The following ZFHX3 variants were observed in gnomAD, a reference collection of about 807,000 sequenced individuals.
ZFHX3 encodes zinc finger homeobox protein 3.
ZFHX3 carries 42 observed loss-of-function variants against 279.1 expected under a neutral mutation model. That is an observed-to-expected ratio of 0.15 (90% CI 0.12 to 0.19). The LOEUF is 0.19. Ranked by LOEUF, ZFHX3 falls within the 10% of genes least tolerant of loss-of-function variation. The probability of loss-of-function intolerance (pLI) is 1.00; values close to 1 mark genes in which losing one functional copy is unlikely to be tolerated. For synonymous variants in ZFHX3, 2,293 were observed against 1,957.8 expected, an observed-to-expected ratio of 1.17 and a Z score of -4.52; for missense variants, 4,981 against 4,754.0, an observed-to-expected ratio of 1.05 and a Z score of -1.40.
intron 3 of ZFHX3, among the ~76,000 whole-genome samples, chr16:73,436,254 G>A (rs796630822): frequency 4.6e-5 from 7 of 152,316 alleles, no homozygotes; most frequent in African/African-American, 1.7e-4. Flanking sequence ...CTGGGAGGTG[G>A]AGGTTGTGGT....
chr16:72,809,475 G>C (rs1317719442), intron 7 of ZFHX3: 1 of 152,186 alleles, frequency 6.6e-6, no homozygotes, highest in East Asian at 1.9e-4. Context: ...TTCACTTACA[G>C]AGAATCTTTA....
chr16:73,473,368 A>AAAAAG (rs2018709252), intron 2 of ZFHX3, among the ~76,000 whole-genome samples: 1 of 151,046 alleles, frequency 6.6e-6, no homozygotes, highest in Non-Finnish European at 1.5e-5. Flanking sequence ...CAAAAAAAAA[A>AAAAAG]AAAACAAAAT....
At chr16:72,948,969 G>A (rs551411137) in intron 3 of ZFHX3, among the ~76,000 whole-genome samples, 1 of 152,312 alleles carries the variant, frequency 6.6e-6, no homozygotes, top group South Asian at 2.1e-4. Context: ...TAAGGGGATT[G>A]GATGCGTGGT....
At chr16:73,642,898 C>T (rs760588089) in intron 2 of ZFHX3, among the ~76,000 whole-genome samples, 1 of 152,176 alleles carries the variant, frequency 6.6e-6, no homozygotes, top group Non-Finnish European at 1.5e-5. Context: ...AGCGGCAAGA[C>T]AGTAACAGCC....
chr16:72,840,199 C>A (rs1484668185), intron 4 of ZFHX3, among the ~76,000 whole-genome samples: 2 of 151,680 alleles, frequency 1.3e-5, no homozygotes, highest in Non-Finnish European at 2.9e-5. Flanking sequence ...GAAAAAAAGT[C>A]AAGGAGGGCC....
intron 3 of ZFHX3, among the ~76,000 whole-genome samples, chr16:72,890,857 AG>A (rs1182813746): frequency 6.6e-6 from 1 of 152,244 alleles, no homozygotes; most frequent in Admixed American, 6.5e-5. Context: ...GAAACATCAG[AG>A]TTGAACAGTT....
chr16:73,815,100 C>T (rs1275642807), intron 1 of ZFHX3, among the ~76,000 whole-genome samples: 7 of 152,174 alleles, frequency 4.6e-5, no homozygotes, highest in Non-Finnish European at 7.4e-5. Flanking sequence ...AAGCACTTAA[C>T]CCAAAGCCTA....
chr16:73,773,341 C>T (rs1429718711), intron 1 of ZFHX3, among the ~76,000 whole-genome samples: 1 of 152,238 alleles, frequency 6.6e-6, no homozygotes, highest in Non-Finnish European at 1.5e-5. Context: ...GGCAGTAGTT[C>T]TCCCCATCCC....
At chr16:73,531,281 T>C (rs1451594824) in intron 2 of ZFHX3, among the ~76,000 whole-genome samples, 1 of 152,204 alleles carries the variant, frequency 6.6e-6, no homozygotes, top group East Asian at 1.9e-4. Context: ...ACCTTTCAGG[T>C]CAACGTCTTT....
At chr16:73,271,262 A>G (rs1005352763) in intron 4 of ZFHX3, among the ~76,000 whole-genome samples, 17 of 152,108 alleles carry the variant, frequency 1.1e-4, no homozygotes, top group African/African-American at 3.9e-4. Flanking sequence ...CAACTCTTCA[A>G]CCAAATGGGC....
Position 73,170,223 on chromosome 16 carries a change from G to GTTTTTTTTTTTTTTTTTT in ZFHX3, c.-1103-26410_-1103-26393dup, listed in dbSNP as rs1156523996. ...TTTTTGAAGCATCTTCCTTTCACTAGTTTTTTTTTTTTTTTTTTTTTTTTT... is the reference window on the plus strand; with the variant it reads ...TTTTTGAAGCATCTTCCTTTCACTAGTTTTTTTTTTTTTTTTTTTTTTTTTTTTTTTTTTTTTTTTTTT... On this transcript the variant is annotated intron_variant, in intron 5 of 17. Transcript: ENST00000641206. 6.2e-4 allele frequency among the ~76,000 whole-genome samples: 36 copies of GTTTTTTTTTTTTTTTTTT among 57,746 alleles called. 7 individuals carry two copies. Among genetic ancestry groups the GTTTTTTTTTTTTTTTTTT allele is most frequent in the South Asian group, 9.5e-4 (1 of 1,052 alleles). 37.9% of individuals were successfully genotyped at this position (57,746 alleles called of 152,430 possible). A position where few individuals can be genotyped will look rare whatever the true frequency, so the allele number is the denominator to read the frequency against.
intron 3 of ZFHX3, among the ~76,000 whole-genome samples, chr16:73,383,525 C>A (rs1263264218): frequency 2.0e-5 from 3 of 152,182 alleles, no homozygotes; most frequent in Non-Finnish European, 2.9e-5. Context: ...GGCAGCGGAG[C>A]TGACATTTTC....
At chr16:73,606,509 G>T (rs916444038) in intron 2 of ZFHX3, among the ~76,000 whole-genome samples, 8 of 151,048 alleles carry the variant, frequency 5.3e-5, no homozygotes, top group African/African-American at 1.9e-4. Flanking sequence ...AAAAATCCAT[G>T]CTTGTCTTGG....
chr16:73,442,534 G>A (rs1017697716), intron 3 of ZFHX3, among the ~76,000 whole-genome samples: 2 of 152,064 alleles, frequency 1.3e-5, no homozygotes, highest in African/African-American at 4.8e-5. Context: ...AACCATGTAA[G>A]TGAAAAAACC....
intron 2 of ZFHX3, chr16:73,486,908 G>A (rs1226391521): frequency 4.4e-6 from 2 of 454,362 alleles, no homozygotes; most frequent in Non-Finnish European, 8.8e-6. Flanking sequence ...TAACACTAAG[G>A]CAAATTCTTT....
intron 2 of ZFHX3, among the ~76,000 whole-genome samples, chr16:73,474,932 A>C (rs1862774): frequency 0.23 from 34,325 of 152,010 alleles, 4,391 homozygotes; most frequent in East Asian, 0.6. Context: ...TTTCTTTCCA[A>C]ATGGGGCTGG....
At position 72,796,449 on chromosome 16, in the gene ZFHX3, G is replaced by A. The variant is rs774246895; in HGVS notation, c.6233C>T (p.Pro2078Leu). ...GGTGAGCGGCACTGATGGCTGGGCC[G>A]GTGCAATTGTAGGTGAGGTGATGGG... is the stretch of plus-strand genomic sequence containing the variant. ...APPITSPTIA[P>L]AQPSVPLTQL... Residue 2078 changes from proline (P) to leucine (L), a missense_variant, in exon 9 of 10, where the codon CCG (proline) becomes CTG (leucine). By Grantham distance (98) the Pro-to-Leu change is moderately conservative. This residue lies in a region of ZFHX3 where 1,751 missense variants were observed against 1,770.0 expected (regional missense o/e 0.99). Coordinates refer to ENST00000268489, the MANE Select transcript of ZFHX3 (RefSeq NM_006885.4). 10 of 1,609,562 alleles carry A rather than the reference G, an allele frequency of 6.2e-6. No homozygotes were observed. The highest frequency in any genetic ancestry group is 8.5e-6 in the Non-Finnish European group (10 of 1,179,946).
At position 73,579,314 on chromosome 16, in the gene ZFHX3, C is replaced by T. The variant is rs952483527; in HGVS notation, c.-1547+100866G>A. ...TCTCTTTAAGATGTATAAACCCAGA[C>T]GGTACTCTGACCACCCTGGGCACAT... On this transcript the variant is annotated intron_variant, in intron 2 of 17. Coordinates refer to the ZFHX3 transcript ENST00000641206. Among the ~76,000 whole-genome samples, 13 of 152,166 alleles carry T rather than the reference C, an allele frequency of 8.5e-5. No individual in the cohort carries two copies. In the East Asian group the frequency reaches 9.7e-4, roughly 11 times the overall value.
chr16:73,554,697 A>G (rs749137532), intron 2 of ZFHX3: 15 of 152,182 alleles, frequency 9.9e-5, no homozygotes, highest in Non-Finnish European at 2.1e-4. Flanking sequence ...GTTGGTGGTC[A>G]TATTTTCCTG....
Sources: gnomAD v4.1 joint callset for allele counts (sites outside exome capture counted in the v4.1 genomes callset) on GRCh38, gnomAD v4.1.1 for gene constraint, gnomAD v4.1.1 regional missense constraint, MANE v1.5 for transcripts, NCBI Gene and HGNC (gene_info 2026-07-23, HGNC 2026-07-21) for gene names.